SLC12A9: variants seen among roughly 807,000 people sequenced by gnomAD.
SLC12A9 encodes solute carrier family 12 member 9.
In SLC12A9, 55 loss-of-function variants were observed where a neutral mutation model predicts 66.0. The ratio of observed to expected loss-of-function variants is 0.83; its 90% CI spans 0.67 to 1.04. The LOEUF (loss-of-function observed/expected upper bound fraction) is 1.04. Among genes scored for constraint, SLC12A9 ranks in the 50% least tolerant of loss-of-function variants. The pLI, the probability that SLC12A9 is intolerant of heterozygous loss-of-function variation, is 0.00. For synonymous variants in SLC12A9, 577 were observed against 569.0 expected, an observed-to-expected ratio of 1.01 and a Z score of -0.20; for missense variants, 1,061 against 1,241.9, an observed-to-expected ratio of 0.85 and a Z score of 2.19.
intron 6 of SLC12A9, 48 bp from the exon 7 acceptor site, chr7:100,859,000 AGG>A: frequency 6.2e-7 from 1 of 1,611,956 alleles, no homozygotes; most frequent in South Asian, 1.1e-5. Flanking sequence ...TGAGGGACCC[AGG>A]GGGATGGCTG....
At chr7:100,840,687 A>G (rs1584680615) in intron 1 of SLC12A9, among the ~76,000 whole-genome samples, 1 of 151,930 alleles carries the variant, frequency 6.6e-6, no homozygotes, top group Non-Finnish European at 1.5e-5. Flanking sequence ...GAGAGAAGAG[A>G]CAGAGGCAAA....
chr7:100,848,840 C>T (rs538644901), upstream of SLC12A9, among the ~76,000 whole-genome samples: 14 of 150,898 alleles, frequency 9.3e-5, no homozygotes, highest in South Asian at 1.3e-3. Flanking sequence ...GAGCCGAGAT[C>T]GTGCCACTGC....
chr7:100,834,746 G>A (rs2720396), intron 1 of SLC12A9, among the ~76,000 whole-genome samples: 25,425 of 152,086 alleles, frequency 0.17, 2,584 homozygotes, highest in Middle Eastern at 0.32. Flanking sequence ...GGTGGAGCAC[G>A]CCTGTGGTCC....
At chr7:100,843,098 T>C (rs760276224) in intron 1 of SLC12A9, among the ~76,000 whole-genome samples, 2 of 152,224 alleles carry the variant, frequency 1.3e-5, no homozygotes, top group Non-Finnish European at 2.9e-5. Context: ...GGATGTGTGG[T>C]GGTATTTTGG....
chr7:100,859,226 A>C (rs947101657), intron 7 of SLC12A9, 65 bp downstream of exon 7: 2 of 1,470,644 alleles, frequency 1.4e-6, no homozygotes, highest in African/African-American at 1.4e-5. Flanking sequence ...ACCAAGGGGA[A>C]ACACAGGCTG....
chr7:100,828,557 A>C (rs565096970), intron 1 of SLC12A9, among the ~76,000 whole-genome samples: 18 of 148,972 alleles, frequency 1.2e-4, no homozygotes, highest in Non-Finnish European at 2.5e-4. Context: ...ATCTCAAAAA[A>C]AAAAAAAAAA....
At position 100,840,549 on chromosome 7, in the gene SLC12A9, G is replaced by C. The variant is rs112493156; in HGVS notation, n.228+13502G>C. 3.3e-3 allele frequency among the ~76,000 whole-genome samples: 504 copies of C among 152,084 alleles called. 5 individuals carry two copies. The highest frequency in any genetic ancestry group is 0.012 in the African/African-American group (488 of 41,448). On this transcript the variant is annotated intron_variant and non_coding_transcript_variant, in intron 1 of 1. Transcript: ENST00000461016. ...TTGAGAACAGCAGCATAAGTGGCTG[G>C]CAGAGGCAAAGAAAGACCAGCAGAA... is the stretch of plus-strand genomic sequence containing the variant.
At chr7:100,843,600 G>T (rs1019940957) in intron 1 of SLC12A9, among the ~76,000 whole-genome samples, 4 of 152,170 alleles carry the variant, frequency 2.6e-5, no homozygotes, top group Non-Finnish European at 5.9e-5. Context: ...GTTTCCAAAG[G>T]CTGGCCCCCA....
chr7:100,826,970 G>T (rs766393192), exon 1 of SLC12A9: 2 of 1,551,274 alleles, frequency 1.3e-6, no homozygotes, highest in Admixed American at 3.7e-5. Flanking sequence ...CCCCCGCAAG[G>T]AAACTCACCT....
Position 100,861,822 on chromosome 7 carries a change from C to G in SLC12A9, c.1622C>G (p.Pro541Arg). Residue 541 changes from proline to arginine, a missense_variant, in exon 12 of 14, where the codon CCC becomes CGC. By Grantham distance (103) the Pro-to-Arg change is moderately radical (BLOSUM62 -2). Transcript: ENST00000354161. The surrounding 1 kb of genome is among the most constrained non-coding windows in gnomAD (Gnocchi z 5.3). Reference protein sequence around the residue: ...RPQLLLLVGNPRGALPLLRLA... With the variant: ...RPQLLLLVGNRRGALPLLRLA... Reference sequence around the variant, plus strand: ...CAGCTGCTGCTCCTGGTGGGGAACCCCCGGGGCGCCCTGCCTCTGCTGCGG... The same window carrying G: ...CAGCTGCTGCTCCTGGTGGGGAACCGCCGGGGCGCCCTGCCTCTGCTGCGG... 6.2e-7 allele frequency: 1 copy of G among 1,614,050 alleles called. No homozygotes were observed. Among genetic ancestry groups the G allele is most frequent in the Non-Finnish European group, 8.5e-7 (1 of 1,179,984 alleles).
chr7:100,860,155 A>C lies in SLC12A9; in HGVS notation c.1141A>C (p.Ile381Leu). 2.5e-6 allele frequency: 4 copies of C among 1,614,104 alleles called. No homozygotes were observed. Among genetic ancestry groups the C allele is most frequent in the Non-Finnish European group, 3.4e-6 (4 of 1,180,026 alleles). ...ALARDDLFGV[I>L]LAPAKVVSRG... ...TGTGGATTCTGTTTTTCTAGGCGTG[A>C]TCTTGGCACCGGCCAAGGTTGTGTC... is the stretch of plus-strand genomic sequence containing the variant. Residue 381 changes from isoleucine to leucine, a missense_variant, in exon 9 of 14, where the codon ATC becomes CTC. Coordinates refer to ENST00000354161, the MANE Select transcript of SLC12A9 (RefSeq NM_020246.4).
At chr7:100,846,423 C>T (rs7384255) in intron 1 of SLC12A9, among the ~76,000 whole-genome samples, 31,646 of 151,964 alleles carry the variant, frequency 0.21, 4,161 homozygotes, top group East Asian at 0.44. Context: ...AAAAATGAGC[C>T]GGGCGTGGTG....
Position 100,855,837 on chromosome 7 carries a change from G to T in SLC12A9, c.448G>T (p.Asp150Tyr). Reference sequence around the variant, plus strand: ...GTCTGTGCTTGATGTCTTCGGGGCCGGTCTGTGCTCTGTCCGATCTGGGCA... The same window carrying T: ...GTCTGTGCTTGATGTCTTCGGGGCCTGTCTGTGCTCTGTCCGATCTGGGCA... ...VESVLDVFGA[D>Y]ATGPSGLRVL... The change falls in exon 4 of 14, where the codon GAT becomes TAT. Residue 150 changes from aspartate (D) to tyrosine (Y), a missense_variant and splice_region_variant. Coordinates refer to ENST00000354161, the MANE Select transcript of SLC12A9 (RefSeq NM_020246.4). The T allele has an allele frequency of 1.0e-5, 16 of 1,603,584 alleles. No homozygotes were observed. The highest frequency in any genetic ancestry group is 1.4e-5 in the Non-Finnish European group (16 of 1,174,508).
At chr7:100,844,793 A>G (rs934188258) in intron 1 of SLC12A9, among the ~76,000 whole-genome samples, 1 of 152,114 alleles carries the variant, frequency 6.6e-6, no homozygotes, top group Non-Finnish European at 1.5e-5. Context: ...TCGAGTAAAT[A>G]TCTTAGTTCG....
chr7:100,861,986 G>T lies in SLC12A9; in HGVS notation c.1711+75G>T. 1 of 1,421,708 alleles carries T rather than the reference G, an allele frequency of 7.0e-7. No homozygotes were observed. Among genetic ancestry groups the T allele is most frequent in the Non-Finnish European group, 9.3e-7 (1 of 1,070,126 alleles). 88.1% of individuals were successfully genotyped at this position (1,421,708 alleles called of 1,614,324 possible). On this transcript the variant is annotated intron_variant, in intron 12 of 13. Coordinates refer to ENST00000354161, the MANE Select transcript of SLC12A9 (RefSeq NM_020246.4). This position sits in a 1 kb window ranked among gnomAD's most constrained non-coding sequence, Gnocchi z 5.3. ...ACCTTTTTTTTTTTTTTGAGATGGA[G>T]CTTCGTTCTGTTGCCCAGGCTGGAG...
chr7:100,838,432 G>C (rs1323793513), intron 1 of SLC12A9, among the ~76,000 whole-genome samples: 1 of 152,238 alleles, frequency 6.6e-6, no homozygotes, highest in African/African-American at 2.4e-5. Flanking sequence ...GGTGAGAAGA[G>C]AGATGTGGTG....
intron 13 of SLC12A9, among the ~76,000 whole-genome samples, chr7:100,863,888 G>A (rs776428786): frequency 6.6e-6 from 1 of 152,172 alleles, no homozygotes; most frequent in South Asian, 2.1e-4. Flanking sequence ...GGCATGACTA[G>A]TTTATTTTGC....
At chr7:100,851,546 C>A (rs911955676), upstream of SLC12A9, among the ~76,000 whole-genome samples, 1 of 151,500 alleles carries the variant, frequency 6.6e-6, no homozygotes, top group African/African-American at 2.4e-5. Flanking sequence ...GCCTCAGCCT[C>A]CTAAGTAGCT....
chr7:100,845,012 G>A (rs894485568), intron 1 of SLC12A9, among the ~76,000 whole-genome samples: 1 of 151,844 alleles, frequency 6.6e-6, no homozygotes, highest in Non-Finnish European at 1.5e-5. Flanking sequence ...CCGAGAATTG[G>A]TACCTACATA....
Sources: allele counts gnomAD v4.1 joint callset (sites outside exome capture counted in the v4.1 genomes callset), GRCh38; gene constraint gnomAD v4.1.1; non-coding constraint Gnocchi (gnomAD v3.1); transcripts MANE v1.5; gene names NCBI Gene and HGNC (gene_info 2026-07-23, HGNC 2026-07-21).